The following CASP4 variants were observed in gnomAD, a reference collection of about 807,000 sequenced individuals.
The protein encoded by CASP4 is caspase 4.
In CASP4, 29 loss-of-function variants were observed where a neutral mutation model predicts 41.3. The ratio of observed to expected loss-of-function variants is 0.70; its 90% CI spans 0.52 to 0.96. The LOEUF is 0.96. CASP4 is among the 40% of genes least tolerant of loss of function. The pLI, the probability that CASP4 is intolerant of heterozygous loss-of-function variation, is 0.00. For missense variants in CASP4, 447 were observed against 460.6 expected, an observed-to-expected ratio of 0.97 and a Z score of 0.27; for synonymous variants, 185 against 158.4, an observed-to-expected ratio of 1.17 and a Z score of -1.26.
rs117098893 is a variant in CASP4 at position 104,964,572 on chromosome 11, T to C, written c.7+3947A>G. Among the ~76,000 whole-genome samples the C allele has an allele frequency of 5.6e-3, 859 of 152,326 alleles. 3 individuals are homozygous for C. Among genetic ancestry groups the C allele is most frequent in the Middle Eastern group, 0.01 (3 of 294 alleles). ...ATGACACAATTGGAGAAATTGGTTA[T>C]TTTACCAAGGCTTTGACTGGAATGG... On this transcript the variant is annotated intron_variant, in intron 1 of 8. Transcript: ENST00000444739.
At chr11:104,949,512 T>A (rs1462565760) in intron 5 of CASP4, 31 bp downstream of exon 5, 8 of 1,605,888 alleles carry the variant, frequency 5.0e-6, no homozygotes, top group Middle Eastern at 1.7e-4. Context: ...TACACCTTCA[T>A]AACTGTTAGA....
chr11:104,947,734 G>A (rs532244), intron 6 of CASP4: 152,170 of 152,474 alleles, frequency 1, 75,935 homozygotes, highest in Middle Eastern at 1. Flanking sequence ...ATTGTACAGG[G>A]TGGTGCCAGT....
At chr11:104,945,607 C>A (rs1860439258) in intron 7 of CASP4, among the ~76,000 whole-genome samples, 1 of 152,072 alleles carries the variant, frequency 6.6e-6, no homozygotes. Flanking sequence ...ATATCTCCAC[C>A]ACCAAGCTGA....
intron 6 of CASP4, 141 bp from the exon 7 acceptor site, chr11:104,947,333 T>A: frequency 2.2e-6 from 1 of 464,972 alleles, no homozygotes; most frequent in Non-Finnish European, 3.8e-6. Flanking sequence ...ACTTACAACC[T>A]GACATTTACC....
Position 104,948,570 on chromosome 11 carries a change from C to T in CASP4, c.888G>A (p.Val296=), listed in dbSNP as rs771762922. 7.4e-6 allele frequency: 12 copies of T among 1,610,794 alleles called. No homozygotes were observed. Among genetic ancestry groups the T allele is most frequent in the Non-Finnish European group, 1.0e-5 (12 of 1,178,078 alleles). ...LEEDAVYKTH[V]EKDFIAFCSS... ...AGCAGAAAGCAATGAAGTCCTTCTCCACGTGGGTCTTGTAAACAGCATCTT... is the reference window on the plus strand; with the variant it reads ...AGCAGAAAGCAATGAAGTCCTTCTCTACGTGGGTCTTGTAAACAGCATCTT... Residue 296 remains valine (V), a synonymous_variant, in exon 6 of 9, where the codon GTG becomes GTA. Coordinates refer to ENST00000444739, the MANE Select transcript of CASP4 (RefSeq NM_001225.4).
At position 104,948,309 on chromosome 11, in the gene CASP4, A is replaced by G. The variant is rs1416504640; in HGVS notation, c.925+224T>C. The stretch of plus-strand genomic sequence containing the variant: ...AATGTTAAATGGGCTTAATAAAAAA[A>G]ACAGAATTCATCATCTGTTTAAATG... On this transcript the variant is annotated intron_variant, in intron 6 of 8. Transcript: ENST00000444739. 1.4e-5 allele frequency: 5 copies of G among 350,372 alleles called. No individual in the cohort carries two copies. The East Asian group carries it at 1.8e-4, about 12-fold the overall frequency. 21.7% of individuals were successfully genotyped at this position (350,372 alleles called of 1,614,324 possible).
chr11:104,945,599 A>G lies in CASP4; in HGVS notation c.1036-748T>C, dbSNP rs559679388. 1.4e-3 allele frequency among the ~76,000 whole-genome samples: 220 copies of G among 152,160 alleles called. 3 individuals carry two copies. The South Asian group carries it at 0.043, about 30-fold the overall frequency. On this transcript the variant is annotated intron_variant, in intron 7 of 8. Coordinates refer to ENST00000444739, the MANE Select transcript of CASP4 (RefSeq NM_001225.4). ...GACCCAAACACTGAACAACTTTCAT[A>G]TCTCCACCACCAAGCTGATCTTGTA...
chr11:104,968,417 G>A (rs1273945315), intron 1 of CASP4, 102 bp downstream of exon 1: 28 of 1,018,562 alleles, frequency 2.7e-5, no homozygotes, highest in African/African-American at 4.8e-5. Context: ...AATTCAACAT[G>A]TGTGCTATCG....
chr11:104,949,994 C>T (rs1017338020), intron 4 of CASP4, among the ~76,000 whole-genome samples: 3 of 152,196 alleles, frequency 2.0e-5, no homozygotes, highest in Admixed American at 1.3e-4. Flanking sequence ...ATACTGTCTT[C>T]TTAGTATATT....
chr11:104,968,459 C>A, intron 1 of CASP4, 60 bp downstream of exon 1: 2 of 1,433,408 alleles, frequency 1.4e-6, no homozygotes, highest in African/African-American at 2.8e-5. Flanking sequence ...TATTTCAGAG[C>A]AATAAATCAA....
chr11:104,955,032 TG>T (rs1227076238), intron 1 of CASP4, 31 bp from the exon 2 acceptor site: 5 of 1,604,020 alleles, frequency 3.1e-6, no homozygotes, highest in Non-Finnish European at 3.4e-6. Flanking sequence ...CCTTTAACTA[TG>T]GGCACAGCTT....
Position 104,951,025 on chromosome 11 carries a change from A to T in CASP4, c.446T>A (p.Leu149Gln), listed in dbSNP as rs756847356. 1 of 1,613,554 alleles carries T rather than the reference A, an allele frequency of 6.2e-7. No individual in the cohort carries two copies. Among genetic ancestry groups the T allele is most frequent in the Admixed American group, 1.7e-5 (1 of 59,948 alleles). ...LIICNTEFDH[L>Q]PPRNGADFDI... ...AAAGTCAGCTCCATTCCTCGGAGGC[A>T]GATGGTCAAACTCTGTATTGCATAT... The change falls in exon 4 of 9, where the codon CTG becomes CAG. Residue 149 changes from leucine (L) to glutamine (Q), a missense_variant. Coordinates refer to ENST00000444739, the MANE Select transcript of CASP4 (RefSeq NM_001225.4).
At chr11:104,944,715 T>C (rs745466607) in intron 8 of CASP4, 33 bp downstream of exon 8, 2 of 1,345,510 alleles carry the variant, frequency 1.5e-6, no homozygotes, top group Non-Finnish European at 2.1e-6. Context: ...TCTTATTTAT[T>C]TCACATACCA....
In CASP4 at chr11:104,954,904, C is replaced by G; in HGVS notation, c.105G>C (p.Leu35=). Residue 35 remains leucine, a synonymous_variant, in exon 2 of 9, where the codon CTG becomes CTC. Coordinates refer to ENST00000444739, the MANE Select transcript of CASP4 (RefSeq NM_001225.4). ...TCTTTTTTTCCTCTTCCTTCCAGTTCAGTACATTTTGTTCCACCAAGTTAT... is the reference window on the plus strand; with the variant it reads ...TCTTTTTTTCCTCTTCCTTCCAGTTGAGTACATTTTGTTCCACCAAGTTAT... ...VLDNLVEQNV[L]NWKEEEKKKY... is the part of the protein sequence containing the mutation. 6.2e-7 allele frequency: 1 copy of G among 1,613,696 alleles called. No homozygotes were observed. Among genetic ancestry groups the G allele is most frequent in the South Asian group, 1.1e-5 (1 of 91,068 alleles).
Position 104,949,732 on chromosome 11 carries a change from T to A in CASP4, c.592A>T (p.Lys198Ter), listed in dbSNP as rs750945750. ...ACCAAGAATGTGCTGTCAGAGGACT[T>A]GTGCTCTGGTCTGGTAGCAAATGCC... ...LRAFATRPEH[K>*]SSDSTFLVLM... The change falls in exon 5 of 9, where the codon AAG (lysine) becomes TAG (stop). Residue 198 changes from lysine (K) to a stop codon, truncating the protein, a stop_gained. Coordinates refer to ENST00000444739, the MANE Select transcript of CASP4 (RefSeq NM_001225.4). LOFTEE classifies it high-confidence loss of function. 1 of 1,613,826 alleles carries A rather than the reference T, an allele frequency of 6.2e-7. No homozygotes were observed. The highest frequency in any genetic ancestry group is 1.3e-5 in the African/African-American group (1 of 74,896).
chr11:104,965,027 G>T (rs1277003591), intron 1 of CASP4, among the ~76,000 whole-genome samples: 1 of 152,036 alleles, frequency 6.6e-6, no homozygotes, highest in East Asian at 1.9e-4. Flanking sequence ...ATAAAAATAG[G>T]GTCTGGAGAG....
intron 1 of CASP4, among the ~76,000 whole-genome samples, chr11:104,966,430 CATATGCAAATAA>C (rs1860977319): frequency 6.6e-6 from 1 of 152,106 alleles, no homozygotes; most frequent in South Asian, 2.1e-4. Context: ...TGGAAAAATA[CATATGCAAATAA>C]GTAAAATGAA....
At chr11:104,948,498 C>A in intron 6 of CASP4, 35 bp downstream of exon 6, 1 of 1,538,826 alleles carries the variant, frequency 6.5e-7, no homozygotes, top group Non-Finnish European at 8.8e-7. Flanking sequence ...GGCCTCAGGC[C>A]CACAAATCCC....
At chr11:104,951,791 C>T in intron 3 of CASP4, 105 bp downstream of exon 3, 1 of 758,246 alleles carries the variant, frequency 1.3e-6, no homozygotes. Flanking sequence ...AAAATGGTTA[C>T]TGTCATCCCC....
Sources: allele counts gnomAD v4.1 joint callset (sites outside exome capture counted in the v4.1 genomes callset), GRCh38; gene constraint gnomAD v4.1.1; transcripts MANE v1.5; gene names NCBI Gene and HGNC (gene_info 2026-07-23, HGNC 2026-07-21).